Variants in PTPRF observed in about 807,000 individuals in gnomAD.
PTPRF encodes receptor-type tyrosine-protein phosphatase F.
A neutral mutation model predicts 201.8 loss-of-function variants in PTPRF; 59 were observed. The ratio of observed to expected loss-of-function variants is 0.29; its 90% CI spans 0.24 to 0.36. The LOEUF is 0.36. Among genes scored for constraint, PTPRF ranks in the 10% least tolerant of loss-of-function variants. PTPRF has a pLI of 1.00. For synonymous variants in PTPRF, 1,088 were observed against 1,089.7 expected (o/e 1.00, Z 0.03); for missense variants, 2,132 against 2,690.5 (o/e 0.79, Z 4.59).
At chr1:43,559,599 TGTACAGCAGGTG>T (rs1645646979) in intron 5 of PTPRF, among the ~76,000 whole-genome samples, 1 of 150,922 alleles carries the variant, frequency 6.6e-6, no homozygotes, top group South Asian at 2.1e-4. Flanking sequence ...CGTGTGTGTG[TGTACAGCAGGTG>T]GTGTGCAGCA....
rs116186360 is a variant in PTPRF at position 43,603,552 on chromosome 1, C to A, written c.2458+19C>A. ...GGTGCAGGTGAGTGAGGGGTCAGGA[C>A]GGACCTGAGGGTGGGGCAGCAGGAG... On this transcript the variant is annotated intron_variant, in intron 15 of 33. Transcript: ENST00000359947. This position sits in a 1 kb window ranked among gnomAD's most constrained non-coding sequence, Gnocchi z 5.8. 1.2e-6 allele frequency: 2 copies of A among 1,612,932 alleles called. No individual in the cohort carries two copies. Among genetic ancestry groups the A allele is most frequent in the Non-Finnish European group, 1.7e-6 (2 of 1,179,500 alleles).
intron 5 of PTPRF, among the ~76,000 whole-genome samples, chr1:43,569,125 A>G (rs1310884126): frequency 1.3e-5 from 2 of 152,146 alleles, no homozygotes; most frequent in Non-Finnish European, 2.9e-5. Flanking sequence ...GATGAAGGGA[A>G]CACTGTGTGT....
rs371147411 is a variant in PTPRF at position 43,618,965 on chromosome 1, T to A, written c.4492-83T>A. 3.9e-5 allele frequency: 58 copies of A among 1,501,772 alleles called. No individual in the cohort carries two copies. The East Asian group carries it at 5.0e-4, about 13-fold the overall frequency. 93.0% of individuals were successfully genotyped at this position (1,501,772 alleles called of 1,614,324 possible). ...GAGTCCCATGGGGAAGTGGCGGGTA[T>A]GGCCTCAGCATCAGGTCATTCAGTC... On this transcript the variant is annotated intron_variant, in intron 26 of 33. Coordinates refer to ENST00000359947, the MANE Select transcript of PTPRF (RefSeq NM_002840.5).
intron 6 of PTPRF, among the ~76,000 whole-genome samples, chr1:43,576,891 G>A (rs917718734): frequency 2.0e-5 from 3 of 152,198 alleles, no homozygotes; most frequent in African/African-American, 7.2e-5. Flanking sequence ...CTTCCTGGGT[G>A]CTATCTTGCC....
At chr1:43,599,002 C>T in intron 13 of PTPRF, 89 bp downstream of exon 13, 1 of 1,374,972 alleles carries the variant, frequency 7.3e-7, no homozygotes, top group South Asian at 1.3e-5. Flanking sequence ...GTCCCTCTTC[C>T]CCTGCCTGCC....
At chr1:43,556,204 C>T (rs1645359498) in intron 5 of PTPRF, among the ~76,000 whole-genome samples, 1 of 152,222 alleles carries the variant, frequency 6.6e-6, no homozygotes, top group African/African-American at 2.4e-5. Flanking sequence ...TATCTGTTCA[C>T]ACACACATCT....
At chr1:43,620,706 A>G in intron 31 of PTPRF, 127 bp downstream of exon 31, 2 of 1,523,714 alleles carry the variant, frequency 1.3e-6, no homozygotes, top group Non-Finnish European at 1.8e-6. Flanking sequence ...GGGTGTGAGC[A>G]CATCTCCCCC....
At chr1:43,592,409 G>T (rs1448086500) in intron 10 of PTPRF, 48 bp from the exon 11 acceptor site, 1 of 1,564,096 alleles carries the variant, frequency 6.4e-7, no homozygotes. Flanking sequence ...CAACCTGTGA[G>T]TGACTTTGAG....
chr1:43,566,442 T>G (rs1168418898), intron 5 of PTPRF, among the ~76,000 whole-genome samples: 1 of 152,248 alleles, frequency 6.6e-6, no homozygotes, highest in Non-Finnish European at 1.5e-5. Context: ...TTGATGGGTT[T>G]GGAGTGATCA....
rs1158027540 is a variant in PTPRF, at chr1:43,598,066, A to G, written c.2119+13A>G. On this transcript the variant is annotated intron_variant, in intron 12 of 33. Coordinates refer to ENST00000359947, the MANE Select transcript of PTPRF (RefSeq NM_002840.5). ...ACCGATGAGGACGGTAGGCAGTGCC[A>G]CCGGGGCGGGAGGGGAGGCGTTCTG... 1.4e-6 allele frequency: 2 copies of G among 1,459,744 alleles called. No individual in the cohort carries two copies. The highest frequency in any genetic ancestry group is 5.1e-5 in the East Asian group (2 of 39,424). The allele number at this position is 1,459,744 out of a possible 1,614,324, so 90.4% of individuals were successfully genotyped here.
At chr1:43,595,337 C>T (rs1318929756) in intron 11 of PTPRF, among the ~76,000 whole-genome samples, 2 of 152,172 alleles carry the variant, frequency 1.3e-5, no homozygotes, top group African/African-American at 4.8e-5. Context: ...GCCTCAGCCT[C>T]CCGAGTAGCT....
At chr1:43,532,728 T>G (rs1484683952) in intron 1 of PTPRF, 1 of 2,848 alleles carries the variant, frequency 3.5e-4, no homozygotes, top group Non-Finnish European at 4.0e-3. Context: ...AAATCCCTGT[T>G]TTTTTACTGA....
In PTPRF at chr1:43,617,723, T is replaced by C; in HGVS notation, c.4196-13T>C. The C allele has an allele frequency of 6.2e-7, 1 of 1,609,562 alleles. No homozygotes were observed. Among genetic ancestry groups the C allele is most frequent in the South Asian group, 1.1e-5 (1 of 90,844 alleles). ...CTGTAGTAATGCCCTCCCACCTCCT[T>C]TCTTATCCATAGGCGTCCCCGGGAG... is the stretch of plus-strand genomic sequence containing the variant. On this transcript the variant is annotated splice_polypyrimidine_tract_variant and intron_variant, in intron 24 of 33. Transcript: ENST00000359947.
chr1:43,576,478 G>A (rs1007961133), intron 6 of PTPRF, among the ~76,000 whole-genome samples: 2 of 152,212 alleles, frequency 1.3e-5, no homozygotes, highest in Non-Finnish European at 2.9e-5. Flanking sequence ...TGACAACAGG[G>A]AGGTAAACAG....
Position 43,619,706 on chromosome 1 carries a change from G to A in PTPRF, c.4959G>A (p.Thr1653=), listed in dbSNP as rs771719646. ...TGCTGGCCAGCTCCAAGGCCCACACGTCCCGCTTCATCAGCGCCAACCTGC... is the reference window on the plus strand; with the variant it reads ...TGCTGGCCAGCTCCAAGGCCCACACATCCCGCTTCATCAGCGCCAACCTGC... ...FKLLASSKAH[T]SRFISANLPC... is the part of the protein sequence containing the mutation. Residue 1653 remains threonine (T), a synonymous_variant, in exon 29 of 34, where the codon ACG becomes ACA. Coordinates refer to ENST00000359947, the MANE Select transcript of PTPRF (RefSeq NM_002840.5). 6.0e-5 allele frequency: 97 copies of A among 1,614,040 alleles called. No homozygotes were observed. Among genetic ancestry groups the A allele is most frequent in the Non-Finnish European group, 7.5e-5 (88 of 1,180,010 alleles).
At chr1:43,604,522 A>T (rs542076254) in intron 16 of PTPRF, among the ~76,000 whole-genome samples, 1 of 152,236 alleles carries the variant, frequency 6.6e-6, no homozygotes, top group South Asian at 2.1e-4. Context: ...GCCATGACCC[A>T]CCGACCTCTA....
In PTPRF at chr1:43,609,455, C is replaced by G; in HGVS notation, c.3930C>G (p.Ser1310=). 2 of 1,614,106 alleles carry G rather than the reference C, an allele frequency of 1.2e-6. No individual in the cohort carries two copies. Among genetic ancestry groups the G allele is most frequent in the Admixed American group, 3.3e-5 (2 of 60,024 alleles). The change falls in exon 22 of 34, where the codon TCC becomes TCG. Residue 1310 remains serine, a synonymous_variant. Coordinates refer to ENST00000359947, the MANE Select transcript of PTPRF (RefSeq NM_002840.5). ...TGAAGGACTCCTTGCTGGCCCACTC[C>G]TCTGACCCTGTGGAGATGCGGAGGC... is the stretch of plus-strand genomic sequence containing the variant. ...IGLKDSLLAH[S]SDPVEMRRLN...
chr1:43,552,486 G>A (rs1569770981), intron 3 of PTPRF, among the ~76,000 whole-genome samples: 1 of 152,234 alleles, frequency 6.6e-6, no homozygotes, highest in Non-Finnish European at 1.5e-5. Flanking sequence ...GCAAAGGATT[G>A]TCATCATCGC....
At chr1:43,574,979 G>C (rs570238521) in intron 6 of PTPRF, among the ~76,000 whole-genome samples, 3 of 152,192 alleles carry the variant, frequency 2.0e-5, no homozygotes, top group South Asian at 4.1e-4. Flanking sequence ...TCCATGAAAC[G>C]GATTGGTGTT....
Sources: allele counts gnomAD v4.1 joint callset (sites outside exome capture counted in the v4.1 genomes callset), GRCh38; gene constraint gnomAD v4.1.1; non-coding constraint Gnocchi (gnomAD v3.1); transcripts MANE v1.5; gene names NCBI Gene and HGNC (gene_info 2026-07-23, HGNC 2026-07-21).